Variants in GPC5 observed in about 807,000 individuals in gnomAD.
GPC5 encodes glypican-5.
A neutral mutation model predicts 53.9 loss-of-function variants in GPC5; 47 were observed. The observed-to-expected ratio is 0.87, with a 90% CI of 0.69 to 1.11. The LOEUF (loss-of-function observed/expected upper bound fraction) is 1.11. GPC5 is among the 50% of genes most tolerant of loss of function. GPC5 has a pLI of 0.00. For synonymous variants in GPC5, 286 were observed against 263.3 expected, an observed-to-expected ratio of 1.09 and a Z score of -0.84; for missense variants, 748 against 713.1, an observed-to-expected ratio of 1.05 and a Z score of -0.56.
At chr13:92,803,222 T>C (rs1314308533) in intron 7 of GPC5, among the ~76,000 whole-genome samples, 1 of 151,932 alleles carries the variant, frequency 6.6e-6, no homozygotes, top group Non-Finnish European at 1.5e-5. Context: ...TAGAGGAACA[T>C]ACTTTTGAAT....
intron 2 of GPC5, among the ~76,000 whole-genome samples, chr13:91,495,494 A>T (rs1884202437): frequency 1.3e-5 from 2 of 151,716 alleles, no homozygotes; most frequent in Non-Finnish European, 2.9e-5. Flanking sequence ...GTCATCCATA[A>T]CTCCTCTTCA....
intron 3 of GPC5, among the ~76,000 whole-genome samples, chr13:91,700,250 G>C (rs1449354370): frequency 2.6e-5 from 4 of 152,174 alleles, no homozygotes; most frequent in Non-Finnish European, 5.9e-5. Flanking sequence ...AATGAGGCAA[G>C]TCCAAAATTC....
chr13:92,648,149 G>T (rs1885837031), intron 7 of GPC5, among the ~76,000 whole-genome samples: 1 of 151,878 alleles, frequency 6.6e-6, no homozygotes, highest in Admixed American at 6.6e-5. Flanking sequence ...ATTATTTTTG[G>T]TAAGAACATA....
At chr13:92,561,473 C>A (rs1882691593) in intron 7 of GPC5, among the ~76,000 whole-genome samples, 1 of 151,954 alleles carries the variant, frequency 6.6e-6, no homozygotes, top group Non-Finnish European at 1.5e-5. Context: ...CCAATAGAAC[C>A]TTTCTCCTGA....
At chr13:92,274,887 C>T (rs1336784862) in intron 7 of GPC5, among the ~76,000 whole-genome samples, 1 of 149,760 alleles carries the variant, frequency 6.7e-6, no homozygotes, top group Non-Finnish European at 1.5e-5. Context: ...AGGTGGGGAA[C>T]ATTGGGACCA....
At chr13:92,847,990 A>T (rs1358761615) in intron 7 of GPC5, among the ~76,000 whole-genome samples, 1 of 152,044 alleles carries the variant, frequency 6.6e-6, no homozygotes, top group African/African-American at 2.4e-5. Context: ...TTTAGTGGTG[A>T]AGGTAGTTTG....
chr13:92,774,213 C>A (rs1875713261), intron 7 of GPC5, among the ~76,000 whole-genome samples: 1 of 152,198 alleles, frequency 6.6e-6, no homozygotes, highest in South Asian at 2.1e-4. Context: ...CCTCAGTCAA[C>A]TTTTTCCAGC....
intron 5 of GPC5, among the ~76,000 whole-genome samples, chr13:91,767,793 A>C (rs888886635): frequency 2.0e-5 from 3 of 152,198 alleles, no homozygotes; most frequent in African/African-American, 7.2e-5. Context: ...AGTTCACTGA[A>C]GTGGAAACCT....
At chr13:91,482,274 T>G (rs942506520) in intron 2 of GPC5, among the ~76,000 whole-genome samples, 1 of 152,150 alleles carries the variant, frequency 6.6e-6, no homozygotes, top group Non-Finnish European at 1.5e-5. Context: ...ACAGTGTTCT[T>G]CCTCTTGGGA....
chr13:91,862,666 A>G (rs756117532), intron 5 of GPC5, among the ~76,000 whole-genome samples: 4 of 152,164 alleles, frequency 2.6e-5, no homozygotes, highest in Admixed American at 2.6e-4. Flanking sequence ...ACAGTAATAT[A>G]TGTGTGACAT....
In GPC5 at chr13:91,866,348, C is replaced by T. The variant is rs527757066; in HGVS notation, c.1281-41589C>T. ...TGATATGGTTTGGATATTTTGTCCC[C>T]TCCAAATCTCATGTTGAAATGTGAC... On this transcript the variant is annotated intron_variant, in intron 5 of 7. Coordinates refer to ENST00000377067, the MANE Select transcript of GPC5 (RefSeq NM_004466.6). 5.3e-5 allele frequency among the ~76,000 whole-genome samples: 8 copies of T among 152,288 alleles called. No individual in the cohort carries two copies. The East Asian group carries it at 1.3e-3, about 26-fold the overall frequency.
At chr13:91,694,872 G>T (rs995420999) in intron 3 of GPC5, among the ~76,000 whole-genome samples, 34 of 152,170 alleles carry the variant, frequency 2.2e-4, no homozygotes, top group Non-Finnish European at 2.4e-4. Context: ...GCTTCCCAAA[G>T]TGCTGGAATT....
At chr13:92,409,376 C>T (rs1172121501) in intron 7 of GPC5, among the ~76,000 whole-genome samples, 1 of 151,270 alleles carries the variant, frequency 6.6e-6, no homozygotes, top group Non-Finnish European at 1.5e-5. Context: ...TGACAGAATC[C>T]CAATGAAAAA....
Position 92,594,762 on chromosome 13 carries a change from G to A in GPC5, c.1562-271520G>A, listed in dbSNP as rs192928323. ...GAAAAAATATCACTTGAAATGAAAC[G>A]TCCCCATTCCTATCTACTTCCAACC... On this transcript the variant is annotated intron_variant, in intron 7 of 7. Transcript: ENST00000377067. Among the ~76,000 whole-genome samples, 8 of 152,224 alleles carry A rather than the reference G, an allele frequency of 5.3e-5. No individual in the cohort carries two copies. The East Asian group carries it at 7.7e-4, about 15-fold the overall frequency.
intron 2 of GPC5, among the ~76,000 whole-genome samples, chr13:91,647,110 TG>T (rs2034579355): frequency 8.4e-6 from 1 of 119,068 alleles, no homozygotes; most frequent in Non-Finnish European, 1.7e-5. Context: ...TGTGTGTGTG[TG>T]TGAAATACAT....
intron 7 of GPC5, among the ~76,000 whole-genome samples, chr13:92,322,426 A>C (rs2139224633): frequency 6.6e-6 from 1 of 152,310 alleles, no homozygotes; most frequent in Admixed American, 6.5e-5. Flanking sequence ...GAAATCTTAA[A>C]CATTTATAGT....
chr13:92,329,472 A>G (rs2043274079), intron 7 of GPC5, among the ~76,000 whole-genome samples: 1 of 152,054 alleles, frequency 6.6e-6, no homozygotes, highest in African/African-American at 2.4e-5. Context: ...CCATGATCCA[A>G]TCACCTCCCA....
intron 7 of GPC5, among the ~76,000 whole-genome samples, chr13:92,708,412 G>A (rs557984609): frequency 3.9e-5 from 6 of 152,246 alleles, no homozygotes; most frequent in Non-Finnish European, 7.4e-5. Flanking sequence ...CTCAAATAGA[G>A]TAACAACTGT....
At chr13:91,968,914 C>T (rs1196508563) in intron 6 of GPC5, among the ~76,000 whole-genome samples, 1 of 151,534 alleles carries the variant, frequency 6.6e-6, no homozygotes, top group Non-Finnish European at 1.5e-5. Context: ...TCTCTTTGTC[C>T]TCCTCTTTCT....
Sources: allele counts gnomAD v4.1 joint callset (sites outside exome capture counted in the v4.1 genomes callset), GRCh38; gene constraint gnomAD v4.1.1; transcripts MANE v1.5; gene names NCBI Gene and HGNC (gene_info 2026-07-23, HGNC 2026-07-21).